ARAP2: variants seen among roughly 807,000 people sequenced by gnomAD.
The protein encoded by ARAP2 is ArfGAP with RhoGAP domain, ankyrin repeat and PH domain 2.
Under a neutral mutation model 194.5 loss-of-function variants are expected in ARAP2, and 148 were observed. The observed-to-expected ratio is 0.76, with a 90% CI of 0.67 to 0.87. The LOEUF (loss-of-function observed/expected upper bound fraction) is 0.87, where lower values mean the gene tolerates loss of function less well. ARAP2 is among the 40% of genes least tolerant of loss of function. ARAP2 has a pLI of 0.00. For synonymous variants in ARAP2, 695 were observed against 683.5 expected, an observed-to-expected ratio of 1.02 and a Z score of -0.26; for missense variants, 2,128 against 1,989.7, an observed-to-expected ratio of 1.07 and a Z score of -1.32.
intron 3 of ARAP2, among the ~76,000 whole-genome samples, chr4:36,048,576 C>T (rs1722180393): frequency 6.6e-6 from 1 of 152,090 alleles, no homozygotes; most frequent in African/African-American, 2.4e-5. Flanking sequence ...TCATGATATA[C>T]ATGAATCATA....
intron 15 of ARAP2, among the ~76,000 whole-genome samples, chr4:36,156,914 T>A (rs866434478): frequency 8.5e-5 from 13 of 152,214 alleles, no homozygotes; most frequent in South Asian, 8.3e-4. Flanking sequence ...GTTTCTTTTT[T>A]AAATAAATTT....
chr4:36,213,019 C>A (rs897799689), intron 4 of ARAP2, among the ~76,000 whole-genome samples: 2 of 152,002 alleles, frequency 1.3e-5, no homozygotes, highest in Non-Finnish European at 2.9e-5. Flanking sequence ...TTAAAACTCA[C>A]TATCCTGGAT....
Position 36,109,603 on chromosome 4 carries a change from A to G in ARAP2, c.4157-1910T>C, listed in dbSNP as rs534445046. On this transcript the variant is annotated intron_variant, in intron 26 of 32. Coordinates refer to ENST00000303965, the MANE Select transcript of ARAP2 (RefSeq NM_015230.4). Reference sequence around the variant, plus strand: ...TAACTGCCCACAATTTTTCAATGTTATAATTCAACTGTTAACTAACTCATA... The same window carrying G: ...TAACTGCCCACAATTTTTCAATGTTGTAATTCAACTGTTAACTAACTCATA... Among the ~76,000 whole-genome samples the G allele has an allele frequency of 2.6e-5, 4 of 152,080 alleles. No homozygotes were observed. In the Middle Eastern group the frequency reaches 0.01, roughly 388 times the overall value.
In ARAP2 at chr4:36,082,354, A is replaced by T. The variant is rs1490118017; in HGVS notation, c.4509-68T>A. 12 of 1,470,102 alleles carry T rather than the reference A, an allele frequency of 8.2e-6. No individual in the cohort carries two copies. The Admixed American group carries it at 2.4e-4, about 29-fold the overall frequency. 91.1% of individuals were successfully genotyped at this position (1,470,102 alleles called of 1,614,324 possible). ...TACATTTTACAAGACAGAAAACAGGATTAGATGTTAAGGAGATGAGATTTA... is the reference window on the plus strand; with the variant it reads ...TACATTTTACAAGACAGAAAACAGGTTTAGATGTTAAGGAGATGAGATTTA... On this transcript the variant is annotated intron_variant, in intron 29 of 32. Coordinates refer to ENST00000303965, the MANE Select transcript of ARAP2 (RefSeq NM_015230.4).
chr4:36,054,306 A>C (rs1178186576), intron 2 of ARAP2, among the ~76,000 whole-genome samples: 8 of 152,186 alleles, frequency 5.3e-5, no homozygotes, highest in African/African-American at 1.9e-4. Flanking sequence ...AGATTTTATA[A>C]ATATACACCA....
chr4:36,119,651 T>C lies in ARAP2; in HGVS notation c.3962A>G (p.Gln1321Arg). 1 of 1,594,232 alleles carries C rather than the reference T, an allele frequency of 6.3e-7. No homozygotes were observed. The highest frequency in any genetic ancestry group is 1.3e-5 in the African/African-American group (1 of 74,472). Residue 1321 changes from glutamine (Q) to arginine (R), a missense_variant and splice_region_variant, in exon 24 of 33, where the codon CAA becomes CGA. Coordinates refer to ENST00000303965, the MANE Select transcript of ARAP2 (RefSeq NM_015230.4). ...NSFITKWKDTQVSQAGDLLIE... is the reference protein window; with the variant it reads ...NSFITKWKDTRVSQAGDLLIE... ...AGAGATCTAACTATTACTACTCACT[T>C]GGGTGTCTTTCCACTTGGTAATAAA...
At chr4:36,068,501 GATT>G (rs1726044780) in intron 32 of ARAP2, among the ~76,000 whole-genome samples, 1 of 152,118 alleles carries the variant, frequency 6.6e-6, no homozygotes, top group Non-Finnish European at 1.5e-5. Flanking sequence ...GCCTCAATAC[GATT>G]TTTTGACTTT....
chr4:36,026,626 C>A (rs1286026683), intron 5 of ARAP2, among the ~76,000 whole-genome samples: 1 of 152,188 alleles, frequency 6.6e-6, no homozygotes, highest in Non-Finnish European at 1.5e-5. Flanking sequence ...AGGAGATTAA[C>A]TCTGCCTCTA....
intron 32 of ARAP2, 28 bp downstream of exon 32, chr4:36,073,661 A>G: frequency 6.2e-7 from 1 of 1,606,706 alleles, no homozygotes; most frequent in Non-Finnish European, 8.5e-7. Flanking sequence ...CTATAATTGA[A>G]TATAAAACAA....
rs1338216847 is a variant in ARAP2 at position 36,107,713 on chromosome 4, A to C, written c.4157-20T>G. On this transcript the variant is annotated intron_variant, in intron 26 of 32. Transcript: ENST00000303965. The stretch of plus-strand genomic sequence containing the variant: ...GACGCTCTGTAAAAAATAAATTCCA[A>C]ATCAAATGGAAAATATATGAGGATA... 1.9e-6 allele frequency: 3 copies of C among 1,573,246 alleles called. No individual in the cohort carries two copies. In the South Asian group the frequency reaches 3.6e-5, roughly 19 times the overall value.
intron 5 of ARAP2, among the ~76,000 whole-genome samples, chr4:36,037,351 T>C (rs1171719308): frequency 2.6e-5 from 4 of 152,144 alleles, no homozygotes; most frequent in Non-Finnish European, 1.5e-5. Context: ...GACTGGACTT[T>C]GGCAGGACCT....
chr4:36,031,171 G>A (rs1718886768), intron 5 of ARAP2, among the ~76,000 whole-genome samples: 1 of 152,088 alleles, frequency 6.6e-6, no homozygotes. Context: ...TCATCTGCAT[G>A]ACGATTGATT....
At chr4:36,149,484 G>C (rs964059232) in intron 16 of ARAP2, among the ~76,000 whole-genome samples, 3 of 152,136 alleles carry the variant, frequency 2.0e-5, no homozygotes, top group African/African-American at 7.2e-5. Flanking sequence ...TGTGTTATTT[G>C]AGGCAATTCA....
chr4:36,174,830 C>A (rs1373967958), intron 9 of ARAP2, among the ~76,000 whole-genome samples: 1 of 152,160 alleles, frequency 6.6e-6, no homozygotes, highest in Admixed American at 6.5e-5. Flanking sequence ...ACAACTGCAA[C>A]CTCCCAGTCC....
At chr4:36,045,584 A>T (rs1384043957) in intron 5 of ARAP2, among the ~76,000 whole-genome samples, 1 of 152,192 alleles carries the variant, frequency 6.6e-6, no homozygotes, top group African/African-American at 2.4e-5. Flanking sequence ...AATGGTACAA[A>T]GTTTCAGTTA....
intron 13 of ARAP2, chr4:36,160,086 C>G: frequency 1.0e-6 from 1 of 990,922 alleles, no homozygotes; most frequent in Non-Finnish European, 1.2e-6. Context: ...ACAATAGGAA[C>G]TGTTAGAATC....
chr4:36,062,843 G>T (rs76451203), downstream of ARAP2, among the ~76,000 whole-genome samples: 1 of 152,026 alleles, frequency 6.6e-6, no homozygotes, highest in Admixed American at 6.6e-5. Flanking sequence ...AATGTAATTT[G>T]TAATATTTTA....
intron 26 of ARAP2, among the ~76,000 whole-genome samples, chr4:36,110,519 G>A (rs1259652373): frequency 6.6e-6 from 1 of 151,850 alleles, no homozygotes; most frequent in African/African-American, 2.4e-5. Context: ...AGAAGGTAAA[G>A]GGGTCTACAT....
rs780112612 is a variant in ARAP2, at chr4:36,147,699, A to G, written c.3048T>C (p.Asp1016=). 5 of 1,612,524 alleles carry G rather than the reference A, an allele frequency of 3.1e-6. No homozygotes were observed. The African/African-American group carries it at 4.0e-5, about 13-fold the overall frequency. The change falls in exon 18 of 33, where the codon GAT becomes GAC. Residue 1016 remains aspartate (D), a synonymous_variant. Coordinates refer to ENST00000303965, the MANE Select transcript of ARAP2 (RefSeq NM_015230.4). ...FAENLTEADY[D]LIGQLFYKDC... ...CTTTGTAGAAGAGTTGACCAATCAAATCATAGTCAGCTTCTGTTAAGTTTT... is the reference window on the plus strand; with the variant it reads ...CTTTGTAGAAGAGTTGACCAATCAAGTCATAGTCAGCTTCTGTTAAGTTTT...
Sources: allele counts gnomAD v4.1 joint callset (sites outside exome capture counted in the v4.1 genomes callset), GRCh38; gene constraint gnomAD v4.1.1; transcripts MANE v1.5; gene names NCBI Gene and HGNC (gene_info 2026-07-23, HGNC 2026-07-21).